CAMTA1: variants seen among roughly 807,000 people sequenced by gnomAD.
The protein encoded by CAMTA1 is calmodulin-binding transcription activator 1.
In CAMTA1, 27 loss-of-function variants were observed where a neutral mutation model predicts 170.9. That is an observed-to-expected ratio of 0.16 (90% confidence interval 0.12 to 0.22). The LOEUF is 0.22. CAMTA1 is among the 10% of genes least tolerant of loss of function. The probability of loss-of-function intolerance (pLI) is 1.00; values close to 1 mark genes in which losing one functional copy is unlikely to be tolerated. For synonymous variants in CAMTA1, 833 were observed against 891.5 expected (o/e 0.93, Z 1.17); for missense variants, 1,619 against 2,217.2 (o/e 0.73, Z 5.42).
intron 5 of CAMTA1, among the ~76,000 whole-genome samples, chr1:7,273,602 G>A (rs551853965): frequency 4.4e-4 from 67 of 152,264 alleles, no homozygotes; most frequent in Non-Finnish European, 7.8e-4. Context: ...AGGGGTGACT[G>A]CTAATGAGTA....
At chr1:6,892,989 AAAG>A (rs1328251819) in intron 3 of CAMTA1, among the ~76,000 whole-genome samples, 1 of 152,148 alleles carries the variant, frequency 6.6e-6, no homozygotes, top group Non-Finnish European at 1.5e-5. Flanking sequence ...TTAAAAAAAA[AAAG>A]AGCTGTGGCC....
At chr1:7,282,206 C>T (rs897316057) in intron 5 of CAMTA1, among the ~76,000 whole-genome samples, 3 of 152,108 alleles carry the variant, frequency 2.0e-5, no homozygotes, top group South Asian at 2.1e-4. Context: ...TGGCAATTGT[C>T]GAAGCACGCT....
chr1:6,874,874 A>G (rs1198993779), intron 3 of CAMTA1, among the ~76,000 whole-genome samples: 1 of 152,160 alleles, frequency 6.6e-6, no homozygotes, highest in Non-Finnish European at 1.5e-5. Context: ...TGAAGGAGTC[A>G]GAAGTGTTGA....
At chr1:7,507,852 C>T (rs572563026) in intron 6 of CAMTA1, among the ~76,000 whole-genome samples, 2 of 152,348 alleles carry the variant, frequency 1.3e-5, no homozygotes, top group South Asian at 2.1e-4. Context: ...ACCCCACCTC[C>T]GGGTCTTCCC....
At chr1:7,555,232 G>A (rs917077153) in intron 6 of CAMTA1, among the ~76,000 whole-genome samples, 1 of 152,172 alleles carries the variant, frequency 6.6e-6, no homozygotes, top group Non-Finnish European at 1.5e-5. Context: ...GAAACTGACA[G>A]CTTCGATTGA....
In CAMTA1 at chr1:7,264,330, A is replaced by T. The variant is rs147355637; in HGVS notation, c.438+14704A>T. ...CAGTTGTATTCTACAAAGGCTGCTGATCAACAAGTACCACACACAATGGAA... is the reference window on the plus strand; with the variant it reads ...CAGTTGTATTCTACAAAGGCTGCTGTTCAACAAGTACCACACACAATGGAA... On this transcript the variant is annotated intron_variant, in intron 5 of 22. Coordinates refer to ENST00000303635, the MANE Select transcript of CAMTA1 (RefSeq NM_015215.4). Among the ~76,000 whole-genome samples the T allele has an allele frequency of 3.3e-5, 5 of 152,268 alleles. No individual in the cohort carries two copies. The East Asian group carries it at 9.6e-4, about 29-fold the overall frequency.
rs1186559676 is a variant in CAMTA1 at position 7,437,820 on chromosome 1, G to A, written c.439-30010G>A. 5.3e-5 allele frequency among the ~76,000 whole-genome samples: 8 copies of A among 152,216 alleles called. No individual in the cohort carries two copies. The East Asian group carries it at 7.7e-4, about 15-fold the overall frequency. ...GCGCATTCACTCATTCAGCGAGTAC[G>A]ACCGGCTCCTACACGGTCGGGCGGT... On this transcript the variant is annotated intron_variant, in intron 5 of 22. Transcript: ENST00000303635.
chr1:6,968,857 G>T (rs981175523), intron 3 of CAMTA1, among the ~76,000 whole-genome samples: 2 of 152,104 alleles, frequency 1.3e-5, no homozygotes, highest in African/African-American at 4.8e-5. Flanking sequence ...AGAGAATGCG[G>T]GATGTGACTA....
rs1266869585 is a variant in CAMTA1, at chr1:6,919,056, CT to C, written c.234+93847del. Among the ~76,000 whole-genome samples, 7 of 152,280 alleles carry C rather than the reference CT, an allele frequency of 4.6e-5. No individual in the cohort carries two copies. The East Asian group carries it at 1.4e-3, about 29-fold the overall frequency. On this transcript the variant is annotated intron_variant, in intron 3 of 22. Transcript: ENST00000303635. ...GGCTGGCGTCTTTCTGTTTTGTGAC[CT>C]GAAAACACTCTGTTTTTGGAAAGTG...
intron 6 of CAMTA1, among the ~76,000 whole-genome samples, chr1:7,616,135 A>G (rs2095557094): frequency 6.6e-6 from 1 of 152,204 alleles, no homozygotes; most frequent in African/African-American, 2.4e-5. Context: ...CCCCAGCTAT[A>G]ATTTTCCTGT....
chr1:7,572,452 C>G (rs1259384346), intron 6 of CAMTA1, among the ~76,000 whole-genome samples: 1 of 152,108 alleles, frequency 6.6e-6, no homozygotes, highest in Non-Finnish European at 1.5e-5. Context: ...AGCTTATCTT[C>G]CAGGGTTTTT....
intron 4 of CAMTA1, among the ~76,000 whole-genome samples, chr1:7,185,972 G>T (rs1365621900): frequency 6.6e-6 from 1 of 152,212 alleles, no homozygotes; most frequent in Non-Finnish European, 1.5e-5. Flanking sequence ...GGCTTTATAG[G>T]ACGCTTGGTG....
intron 2 of CAMTA1, among the ~76,000 whole-genome samples, chr1:6,822,383 T>C (rs1285142246): frequency 6.6e-6 from 1 of 152,216 alleles, no homozygotes; most frequent in Admixed American, 6.5e-5. Context: ...GTAGAAACAC[T>C]GAAATTTAAA....
chr1:7,073,160 AG>A (rs1432483119), intron 3 of CAMTA1, among the ~76,000 whole-genome samples: 5 of 152,206 alleles, frequency 3.3e-5, no homozygotes. Flanking sequence ...TCCAAAGGAA[AG>A]GGGACAAGGA....
chr1:7,529,460 AC>A (rs1443770199), intron 6 of CAMTA1, among the ~76,000 whole-genome samples: 1 of 151,938 alleles, frequency 6.6e-6, no homozygotes, highest in Non-Finnish European at 1.5e-5. Context: ...CCCCCACAGA[AC>A]CCTTCGAGGT....
chr1:7,737,597 A>G (rs774215683), intron 15 of CAMTA1, 27 bp downstream of exon 15: 7 of 1,558,456 alleles, frequency 4.5e-6, no homozygotes, highest in East Asian at 4.5e-5. Flanking sequence ...ATGACATCTC[A>G]GAGCTTGACA....
rs1159734501 is a variant in CAMTA1 at position 7,014,441 on chromosome 1, G to A, written c.235-76863G>A. 2.0e-5 allele frequency among the ~76,000 whole-genome samples: 3 copies of A among 152,134 alleles called. No homozygotes were observed. Among genetic ancestry groups the A allele is most frequent in the Non-Finnish European group, 2.9e-5 (2 of 68,030 alleles). On this transcript the variant is annotated intron_variant, in intron 3 of 22. Transcript: ENST00000303635. The surrounding 1 kb of genome is among the most constrained non-coding windows in gnomAD (Gnocchi z 4.2). ...GCTCCTTCTTCCTGGGGATCCCAGC[G>A]CCCACTACAAAGGTGAACTCCTTTT...
intron 5 of CAMTA1, among the ~76,000 whole-genome samples, chr1:7,351,732 C>T (rs754927227): frequency 4.6e-5 from 7 of 152,128 alleles, no homozygotes; most frequent in African/African-American, 1.4e-4. Flanking sequence ...TTCAAGGAGC[C>T]GTGGTCATTT....
At chr1:7,262,743 G>A (rs1237229082) in intron 5 of CAMTA1, among the ~76,000 whole-genome samples, 1 of 152,136 alleles carries the variant, frequency 6.6e-6, no homozygotes, top group Non-Finnish European at 1.5e-5. Flanking sequence ...TCTTGTTGTT[G>A]CCCAGGTTGC....
Sources: allele counts gnomAD v4.1 joint callset (sites outside exome capture counted in the v4.1 genomes callset), GRCh38; gene constraint gnomAD v4.1.1; non-coding constraint Gnocchi (gnomAD v3.1); transcripts MANE v1.5; gene names NCBI Gene and HGNC (gene_info 2026-07-23, HGNC 2026-07-21).